FBN2: variants seen among roughly 807,000 people sequenced by gnomAD.
The protein encoded by FBN2 is fibrillin 2.
Under a neutral mutation model 355.6 loss-of-function variants are expected in FBN2, and 105 were observed. The observed-to-expected ratio is 0.30, with a 90% CI of 0.25 to 0.35. The LOEUF (loss-of-function observed/expected upper bound fraction) is 0.35, where lower values mean the gene tolerates loss of function less well. Ranked by LOEUF, FBN2 falls within the 10% of genes least tolerant of loss-of-function variation. The pLI, the probability that FBN2 is intolerant of heterozygous loss-of-function variation, is 1.00. For synonymous variants in FBN2, 1,350 were observed against 1,301.2 expected (o/e 1.04, Z -0.81); for missense variants, 3,280 against 3,758.7 (o/e 0.87, Z 3.33).
intron 5 of FBN2, among the ~76,000 whole-genome samples, chr5:128,482,671 G>T (rs1013276054): frequency 6.6e-6 from 1 of 152,016 alleles, no homozygotes. Flanking sequence ...ATTTAGAATT[G>T]CTATATTAAT....
chr5:128,529,438 T>G (rs1489659427), intron 3 of FBN2, among the ~76,000 whole-genome samples: 2 of 152,130 alleles, frequency 1.3e-5, no homozygotes, highest in Non-Finnish European at 2.9e-5. Context: ...TGCCAAAAGC[T>G]TTAGCAAGGT....
intron 5 of FBN2, among the ~76,000 whole-genome samples, chr5:128,503,826 C>T (rs1755879422): frequency 1.3e-5 from 2 of 152,180 alleles, no homozygotes; most frequent in Non-Finnish European, 2.9e-5. Flanking sequence ...AAATGTTAAT[C>T]CCCAAGACAA....
intron 18 of FBN2, 117 bp downstream of exon 18, chr5:128,364,483 G>A (rs988210910): frequency 8.9e-7 from 1 of 1,123,150 alleles, no homozygotes; most frequent in Admixed American, 2.3e-5. Context: ...GTAATATGAA[G>A]AAAACAAGAA....
chr5:128,500,502 G>A (rs1394213009), intron 5 of FBN2, among the ~76,000 whole-genome samples: 1 of 141,894 alleles, frequency 7.0e-6, no homozygotes, highest in Non-Finnish European at 1.5e-5. Flanking sequence ...GACTGCTGTG[G>A]CGCGATCTCG....
At chr5:128,399,267 A>G (rs1255103597) in intron 8 of FBN2, among the ~76,000 whole-genome samples, 1 of 152,252 alleles carries the variant, frequency 6.6e-6, no homozygotes, top group African/African-American at 2.4e-5. Flanking sequence ...TGGAAAAACA[A>G]GACAGATCAC....
chr5:128,436,580 G>A (rs566908227), intron 7 of FBN2, among the ~76,000 whole-genome samples: 6 of 150,890 alleles, frequency 4.0e-5, no homozygotes, highest in Non-Finnish European at 8.8e-5. Context: ...ATAGGAAAAC[G>A]GTAACCCTAA....
chr5:128,404,106 C>G (rs1561439918), intron 8 of FBN2, among the ~76,000 whole-genome samples: 1 of 152,220 alleles, frequency 6.6e-6, no homozygotes, highest in Non-Finnish European at 1.5e-5. Context: ...TCATCCAACT[C>G]TTTATTAGCA....
At chr5:128,304,126 C>G (rs960544541) in intron 45 of FBN2, among the ~76,000 whole-genome samples, 2 of 152,198 alleles carry the variant, frequency 1.3e-5, no homozygotes, top group African/African-American at 4.8e-5. Context: ...TAGATAATAT[C>G]TTGAATATCA....
chr5:128,269,969 A>G (rs1765227272), intron 62 of FBN2, among the ~76,000 whole-genome samples: 1 of 152,204 alleles, frequency 6.6e-6, no homozygotes, highest in Admixed American at 6.5e-5. Context: ...AGTAACCAAA[A>G]CAACATGGTG....
intron 14 of FBN2, among the ~76,000 whole-genome samples, chr5:128,375,953 C>T (rs193032885): frequency 6.6e-6 from 1 of 152,148 alleles, no homozygotes; most frequent in Admixed American, 6.6e-5. Flanking sequence ...TGGGAGGATG[C>T]TTGAGCCCAG....
intron 11 of FBN2, among the ~76,000 whole-genome samples, chr5:128,384,429 C>T (rs187515066): frequency 1.3e-5 from 2 of 152,146 alleles, no homozygotes; most frequent in African/African-American, 4.8e-5. Context: ...AAGCTATATA[C>T]TTCAAATATA....
intron 20 of FBN2, among the ~76,000 whole-genome samples, chr5:128,352,188 T>A (rs1270319484): frequency 6.6e-6 from 1 of 151,866 alleles, no homozygotes; most frequent in East Asian, 1.9e-4. Context: ...ATATCTGATG[T>A]ATTTTCTTTC....
At chr5:128,293,502 A>G (rs972393923) in intron 48 of FBN2, among the ~76,000 whole-genome samples, 1 of 152,194 alleles carries the variant, frequency 6.6e-6, no homozygotes, top group Non-Finnish European at 1.5e-5. Flanking sequence ...AAAAAAAAAA[A>G]GTAATAAATT....
chr5:128,368,829 C>T (rs1339096756), intron 16 of FBN2, among the ~76,000 whole-genome samples: 1 of 150,132 alleles, frequency 6.7e-6, no homozygotes, highest in Non-Finnish European at 1.5e-5. Flanking sequence ...TGCCACCACA[C>T]CCAGCTAATT....
intron 48 of FBN2, among the ~76,000 whole-genome samples, chr5:128,299,451 C>T (rs1010708901): frequency 2.3e-4 from 23 of 99,676 alleles, no homozygotes; most frequent in Non-Finnish European, 4.6e-4. Context: ...TGATCTCAGA[C>T]TGCTGTGCTA....
intron 7 of FBN2, among the ~76,000 whole-genome samples, chr5:128,434,291 G>T (rs1322694428): frequency 1.3e-5 from 2 of 150,258 alleles, no homozygotes; most frequent in Non-Finnish European, 3.0e-5. Flanking sequence ...TTTACATCCT[G>T]CCATAATATA....
At chr5:128,309,879 G>C (rs1006903977) in intron 40 of FBN2, 104 bp downstream of exon 40, 9 of 1,304,664 alleles carry the variant, frequency 6.9e-6, no homozygotes, top group Non-Finnish European at 8.9e-6. Context: ...CTCAATTCAC[G>C]AAGACTGAAC....
At position 128,349,309 on chromosome 5, in the gene FBN2, T is replaced by G. The variant is rs148276970; in HGVS notation, c.2989+38A>C. ...TGCTTAAACAAGGAAATTCATGGCTTGTTTTATACATAGAATACATGAGGG... is the reference window on the plus strand; with the variant it reads ...TGCTTAAACAAGGAAATTCATGGCTGGTTTTATACATAGAATACATGAGGG... On this transcript the variant is annotated intron_variant, in intron 23 of 64. Coordinates refer to ENST00000262464, the MANE Select transcript of FBN2 (RefSeq NM_001999.4). The G allele has an allele frequency of 1.9e-4, 307 of 1,613,554 alleles. 1 individual carries two copies. In the East Asian group the frequency reaches 5.9e-3, roughly 31 times the overall value.
At chr5:128,391,424 G>A (rs546272884) in intron 11 of FBN2, among the ~76,000 whole-genome samples, 44 of 152,144 alleles carry the variant, frequency 2.9e-4, no homozygotes, top group African/African-American at 9.6e-4. Flanking sequence ...TCCACACATT[G>A]TTTTCAAAAA....
Sources: gnomAD v4.1 joint callset for allele counts (sites outside exome capture counted in the v4.1 genomes callset) on GRCh38, gnomAD v4.1.1 for gene constraint, MANE v1.5 for transcripts, NCBI Gene and HGNC (gene_info 2026-07-23, HGNC 2026-07-21) for gene names.